CCDC102B: variants seen among roughly 807,000 people sequenced by gnomAD.
CCDC102B encodes the protein coiled-coil domain-containing protein 102B.
CCDC102B carries 75 observed loss-of-function variants against 57.4 expected under a neutral mutation model. The observed-to-expected ratio is 1.31, with a 90% CI of 1.08 to 1.58. CCDC102B has a LOEUF of 1.58. Ranked by LOEUF, CCDC102B falls within the 40% of genes most tolerant of loss-of-function variation. The pLI is 0.00. For missense variants in CCDC102B, 636 were observed against 582.6 expected (o/e 1.09, Z -0.94); for synonymous variants, 206 against 201.9 (o/e 1.02, Z -0.17).
At chr18:68,986,610 A>G (rs998642605) in intron 6 of CCDC102B, among the ~76,000 whole-genome samples, 1 of 152,074 alleles carries the variant, frequency 6.6e-6, no homozygotes, top group South Asian at 2.1e-4. Flanking sequence ...CCAAATAGGA[A>G]AAGAAGAAAT....
At chr18:68,796,289 A>G (rs138189652), upstream of CCDC102B, among the ~76,000 whole-genome samples, 8 of 152,172 alleles carry the variant, frequency 5.3e-5, no homozygotes, top group Non-Finnish European at 1.0e-4. Context: ...TGGATTTGAT[A>G]TAGAATAGAA....
intron 2 of CCDC102B, among the ~76,000 whole-genome samples, chr18:68,772,174 G>A (rs987263635): frequency 1.4e-4 from 22 of 151,982 alleles, no homozygotes; most frequent in African/African-American, 5.3e-4. Flanking sequence ...ACCTTGAACT[G>A]TCAATCAAAA....
At chr18:68,864,029 A>G (rs1481157113) in intron 4 of CCDC102B, among the ~76,000 whole-genome samples, 1 of 151,984 alleles carries the variant, frequency 6.6e-6, no homozygotes, top group Admixed American at 6.5e-5. Context: ...GTGCAGACAT[A>G]TGTGCATTGC....
In CCDC102B at chr18:68,721,761, C is replaced by G. The variant is rs1469410789; in HGVS notation, c.-67+5167C>G. Among the ~76,000 whole-genome samples the G allele has an allele frequency of 2.0e-5, 3 of 152,176 alleles. No homozygotes were observed. In the East Asian group the frequency reaches 5.8e-4, roughly 29 times the overall value. ...AATGATAGCAACTGAATTCTAGAAG[C>G]TAGCAAAATTAGAAGAGAAATGCAA... On this transcript the variant is annotated intron_variant, in intron 2 of 3. Transcript: ENST00000578970.
Position 68,956,597 on chromosome 18 carries a change from A to AT in CCDC102B, c.1264-54335dup, listed in dbSNP as rs1422065187. Among the ~76,000 whole-genome samples the AT allele has an allele frequency of 2.5e-4, 13 of 52,860 alleles. No homozygotes were observed. The East Asian group carries it at 0.019, about 79-fold the overall frequency. The allele number at this position is 52,860 out of a possible 152,430, so 34.7% of individuals were successfully genotyped here. A position where few individuals can be genotyped will look rare whatever the true frequency, so the allele number is the denominator to read the frequency against. ...TTATATATATAAATATTATATATAT[A>AT]TTATATATATATAAAATATATAATA... On this transcript the variant is annotated intron_variant, in intron 6 of 7. Transcript: ENST00000360242.
At chr18:68,918,026 T>A (rs774723340) in intron 6 of CCDC102B, among the ~76,000 whole-genome samples, 3 of 152,084 alleles carry the variant, frequency 2.0e-5, no homozygotes, top group Non-Finnish European at 2.9e-5. Context: ...TCTTCACACA[T>A]GCAAACATGC....
intron 6 of CCDC102B, among the ~76,000 whole-genome samples, chr18:68,979,848 A>G (rs1251414297): frequency 6.6e-6 from 1 of 151,972 alleles, no homozygotes; most frequent in Non-Finnish European, 1.5e-5. Flanking sequence ...AAAAGGCCTA[A>G]AAAGTCATTT....
At chr18:69,037,136 C>G (rs771193154) in intron 7 of CCDC102B, among the ~76,000 whole-genome samples, 1 of 151,866 alleles carries the variant, frequency 6.6e-6, no homozygotes, top group Admixed American at 6.6e-5. Context: ...AATTTGTGAA[C>G]AGATACTTAG....
At chr18:68,753,392 C>T (rs1186573770) in intron 2 of CCDC102B, 1 of 152,020 alleles carries the variant, frequency 6.6e-6, no homozygotes, top group Non-Finnish European at 1.5e-5. Context: ...TTAGATATCT[C>T]CAGTCTTGGG....
At position 68,838,714 on chromosome 18, in the gene CCDC102B, T is replaced by A; in HGVS notation, c.615T>A (p.Gly205=). 6.2e-7 allele frequency: 1 copy of A among 1,613,526 alleles called. No homozygotes were observed. Among genetic ancestry groups the A allele is most frequent in the Admixed American group, 1.7e-5 (1 of 60,006 alleles). The stretch of plus-strand genomic sequence containing the variant: ...TTTTGTTTTGTCTTCAGGAACAAGG[T>A]GTGGTTATTGATTCTCTAAAATTAA... ...TKEDTNNKEQ[G]VVIDSLKLSE... The change falls in exon 3 of 8, where the codon GGT becomes GGA. Residue 205 remains glycine, a synonymous_variant. Coordinates refer to ENST00000360242, the MANE Select transcript of CCDC102B (RefSeq NM_024781.3).
chr18:69,014,669 A>G (rs1308039635), intron 7 of CCDC102B, among the ~76,000 whole-genome samples: 1 of 151,772 alleles, frequency 6.6e-6, no homozygotes, highest in Non-Finnish European at 1.5e-5. Context: ...AGACATATAT[A>G]CTGAGATTCG....
chr18:68,940,586 A>G (rs1370845252), intron 6 of CCDC102B, among the ~76,000 whole-genome samples: 2 of 151,922 alleles, frequency 1.3e-5, no homozygotes, highest in African/African-American at 4.8e-5. Flanking sequence ...ACTTTCATTA[A>G]CAGTGATCAC....
chr18:68,883,792 T>C (rs533506779), intron 5 of CCDC102B, among the ~76,000 whole-genome samples: 164 of 152,294 alleles, frequency 1.1e-3, no homozygotes, highest in African/African-American at 3.8e-3. Context: ...TCTCTCTGAG[T>C]ACAGTGCCCT....
upstream of CCDC102B, among the ~76,000 whole-genome samples, chr18:68,796,622 A>G (rs2035637583): frequency 6.6e-6 from 1 of 152,114 alleles, no homozygotes; most frequent in African/African-American, 2.4e-5. Context: ...AACATATGTG[A>G]TGCACACCAA....
At chr18:68,776,631 AAGGGAACAACACACACCGTGGCCTGTCAG>A (rs1318448400) in intron 2 of CCDC102B, among the ~76,000 whole-genome samples, 1 of 152,132 alleles carries the variant, frequency 6.6e-6, no homozygotes, top group Admixed American at 6.6e-5. Context: ...ACATGAACAC[AAGGGAACAACACACACCGTGGCCTGTCAG>A]AGGGTGGAGA....
rs567029931 is a variant in CCDC102B, at chr18:68,818,331, A to G, written c.-15-18418A>G. On this transcript the variant is annotated intron_variant, in intron 1 of 7. Transcript: ENST00000360242. ...AATTGAAAGCTAGAAATTTGGAAAG[A>G]CATAGTATTTGTAAAGACAGTACTT... Among the ~76,000 whole-genome samples the G allele has an allele frequency of 3.0e-4, 45 of 152,360 alleles. 1 individual carries two copies. Among genetic ancestry groups the G allele is most frequent in the South Asian group, 2.5e-3 (12 of 4,824 alleles).
At chr18:68,740,618 A>T (rs2033338142) in intron 2 of CCDC102B, among the ~76,000 whole-genome samples, 1 of 152,120 alleles carries the variant, frequency 6.6e-6, no homozygotes. Flanking sequence ...AGTGGTGAGG[A>T]GGTGAGGACC....
chr18:68,963,341 G>T (rs1268307941), intron 6 of CCDC102B, among the ~76,000 whole-genome samples: 4 of 151,894 alleles, frequency 2.6e-5, no homozygotes, highest in African/African-American at 4.8e-5. Flanking sequence ...GAAGGTTTTT[G>T]TAAATTTAAA....
intron 6 of CCDC102B, among the ~76,000 whole-genome samples, chr18:68,955,688 G>A (rs1029648842): frequency 3.3e-5 from 5 of 151,572 alleles, no homozygotes; most frequent in African/African-American, 7.3e-5. Context: ...AAAGCTAGGC[G>A]TTTCCAAACG....
Sources: gnomAD v4.1 joint callset for allele counts (sites outside exome capture counted in the v4.1 genomes callset) on GRCh38, gnomAD v4.1.1 for gene constraint, MANE v1.5 for transcripts, NCBI Gene and HGNC (gene_info 2026-07-23, HGNC 2026-07-21) for gene names.